The following KCNJ16 variants were observed in gnomAD, a reference collection of about 807,000 sequenced individuals.
The protein encoded by KCNJ16 is inward rectifier potassium channel 16.
A neutral mutation model predicts 18.5 loss-of-function variants in KCNJ16; 15 were observed. The observed-to-expected ratio is 0.81, with a 90% CI of 0.54 to 1.25. KCNJ16 has a LOEUF of 1.25. Among genes scored for constraint, KCNJ16 ranks in the 50% most tolerant of loss-of-function variants. The pLI is 0.00. For missense variants in KCNJ16, 523 were observed against 525.7 expected (o/e 0.99, Z 0.05); for synonymous variants, 174 against 186.5 (o/e 0.93, Z 0.55).
At chr17:70,112,287 T>C (rs1197036146) in intron 2 of KCNJ16, among the ~76,000 whole-genome samples, 2 of 152,092 alleles carry the variant, frequency 1.3e-5, no homozygotes, top group African/African-American at 4.8e-5. Flanking sequence ...CTCTCGTAAA[T>C]GTTTCTGGAT....
At chr17:70,083,594 C>G (rs887504443) in intron 1 of KCNJ16, among the ~76,000 whole-genome samples, 4 of 152,068 alleles carry the variant, frequency 2.6e-5, no homozygotes, top group Non-Finnish European at 4.4e-5. Context: ...GAGTAATAGG[C>G]TATACCATAC....
Position 70,106,219 on chromosome 17 carries a change from A to AT in KCNJ16, c.-191+5461dup, listed in dbSNP as rs138974839. On this transcript the variant is annotated intron_variant, in intron 2 of 3. Transcript: ENST00000392671. Reference sequence around the variant, plus strand: ...GGCCTGACAAATATGGCTCAAAATTATTTTTTTTAAAAAAGATTAGAAGTT... The same window carrying AT: ...GGCCTGACAAATATGGCTCAAAATTATTTTTTTTTAAAAAAGATTAGAAGTT... Among the ~76,000 whole-genome samples the AT allele has an allele frequency of 5.5e-3, 832 of 152,120 alleles. 2 individuals are homozygous for AT. The highest frequency in any genetic ancestry group is 0.018 in the African/African-American group (766 of 41,498).
At chr17:70,091,165 A>T (rs2072072854) in intron 1 of KCNJ16, among the ~76,000 whole-genome samples, 1 of 152,084 alleles carries the variant, frequency 6.6e-6, no homozygotes, top group Non-Finnish European at 1.5e-5. Context: ...AATTACACCA[A>T]TCATGAGTAG....
chr17:70,126,780 C>A (rs913114446), intron 2 of KCNJ16, among the ~76,000 whole-genome samples: 1 of 152,178 alleles, frequency 6.6e-6, no homozygotes, highest in Non-Finnish European at 1.5e-5. Context: ...AACTCGGTAA[C>A]TTAAAATTAT....
chr17:70,111,840 G>A (rs1302264053), intron 2 of KCNJ16, among the ~76,000 whole-genome samples: 1 of 152,026 alleles, frequency 6.6e-6, no homozygotes, highest in Non-Finnish European at 1.5e-5. Flanking sequence ...AGTGCCTTTA[G>A]CCTTCCACCA....
intron 2 of KCNJ16, among the ~76,000 whole-genome samples, chr17:70,126,814 C>G (rs967328221): frequency 6.6e-6 from 1 of 152,176 alleles, no homozygotes; most frequent in African/African-American, 2.4e-5. Context: ...TTGGTGCAAT[C>G]CTGACATCCA....
intron 2 of KCNJ16, among the ~76,000 whole-genome samples, chr17:70,103,127 ATATATT>A (rs927742663): frequency 1.4e-5 from 2 of 142,806 alleles, no homozygotes; most frequent in Admixed American, 7.2e-5. Context: ...TATTTAATAT[ATATATT>A]TATATGTGTA....
At chr17:70,102,696 A>C (rs1402416015) in intron 2 of KCNJ16, among the ~76,000 whole-genome samples, 1 of 152,014 alleles carries the variant, frequency 6.6e-6, no homozygotes, top group Non-Finnish European at 1.5e-5. Context: ...ATCCATCACC[A>C]CATTTTTCTA....
At chr17:70,092,946 C>T (rs1261866846) in intron 1 of KCNJ16, among the ~76,000 whole-genome samples, 1 of 152,158 alleles carries the variant, frequency 6.6e-6, no homozygotes, top group African/African-American at 2.4e-5. Flanking sequence ...AGTCTACTGA[C>T]TCAAATGCTA....
At chr17:70,125,669 G>A (rs138682330) in intron 2 of KCNJ16, among the ~76,000 whole-genome samples, 8,388 of 152,206 alleles carry the variant, frequency 0.055, 791 homozygotes, top group African/African-American at 0.19. Flanking sequence ...CGTGGCTCAC[G>A]CCTGTAATCC....
At chr17:70,114,368 T>C (rs973356438) in intron 2 of KCNJ16, among the ~76,000 whole-genome samples, 15 of 152,066 alleles carry the variant, frequency 9.9e-5, no homozygotes, top group African/African-American at 3.6e-4. Flanking sequence ...AATGGGAAAA[T>C]AGCAACAGAG....
chr17:70,096,226 C>T (rs1276162081), intron 1 of KCNJ16, among the ~76,000 whole-genome samples: 2 of 152,074 alleles, frequency 1.3e-5, no homozygotes, highest in African/African-American at 4.8e-5. Context: ...AGCCTCACTG[C>T]TTGTGAGTGT....
chr17:70,115,662 C>T (rs1263317074), intron 2 of KCNJ16, among the ~76,000 whole-genome samples: 1 of 151,954 alleles, frequency 6.6e-6, no homozygotes, highest in Admixed American at 6.6e-5. Context: ...CATTTGGTGC[C>T]CATTTAATGC....
rs1428849070 is a variant in KCNJ16 at position 70,094,620 on chromosome 17, T to G, written c.-299-6038T>G. 2.1e-4 allele frequency among the ~76,000 whole-genome samples: 9 copies of G among 41,934 alleles called. No individual in the cohort carries two copies. In the East Asian group the frequency reaches 0.02, roughly 92 times the overall value. 27.5% of individuals were successfully genotyped at this position (41,934 alleles called of 152,430 possible). ...ATTTATTAGTCAATGAGGTGAAAGG[T>G]GGGGGGAATAACATATATTTTCTTA... On this transcript the variant is annotated intron_variant, in intron 1 of 3. Transcript: ENST00000392671.
chr17:70,085,494 C>G (rs548544224), intron 1 of KCNJ16, among the ~76,000 whole-genome samples: 1 of 152,096 alleles, frequency 6.6e-6, no homozygotes, highest in African/African-American at 2.4e-5. Context: ...TTCTAAAGAG[C>G]CTCAATTCCC....
intron 2 of KCNJ16, among the ~76,000 whole-genome samples, chr17:70,110,324 T>C (rs1197425732): frequency 6.6e-6 from 1 of 152,172 alleles, no homozygotes; most frequent in Non-Finnish European, 1.5e-5. Flanking sequence ...CTTGATAGTG[T>C]CCTTGAAGTG....
intron 2 of KCNJ16, chr17:70,101,229 C>T (rs962977776): frequency 6.6e-6 from 1 of 152,112 alleles, no homozygotes; most frequent in African/African-American, 2.4e-5. Flanking sequence ...TTTAGGGATG[C>T]TGTTAAACTA....
At chr17:70,097,518 T>C (rs2072434323) in intron 1 of KCNJ16, among the ~76,000 whole-genome samples, 1 of 152,174 alleles carries the variant, frequency 6.6e-6, no homozygotes, top group African/African-American at 2.4e-5. Context: ...GAATGCTTTT[T>C]AAAAACATAC....
intron 1 of KCNJ16, among the ~76,000 whole-genome samples, chr17:70,087,598 T>C (rs934592748): frequency 4.6e-5 from 7 of 151,924 alleles, no homozygotes; most frequent in Non-Finnish European, 8.8e-5. Context: ...TTCCAGCTAT[T>C]CGGGAGGTTG....
Sources: gnomAD v4.1 joint callset for allele counts (sites outside exome capture counted in the v4.1 genomes callset) on GRCh38, gnomAD v4.1.1 for gene constraint, MANE v1.5 for transcripts, NCBI Gene and HGNC (gene_info 2026-07-23, HGNC 2026-07-21) for gene names.